The following TRAPPC9 variants were observed in gnomAD, a reference collection of about 807,000 sequenced individuals.
The protein encoded by TRAPPC9 is trafficking protein particle complex subunit 9, also known as IKK2 binding protein.
Under a neutral mutation model 124.0 loss-of-function variants are expected in TRAPPC9, and 83 were observed. The observed-to-expected ratio is 0.67, with a 90% CI of 0.56 to 0.80. TRAPPC9 has a LOEUF of 0.80. TRAPPC9 is among the 30% of genes least tolerant of loss of function. TRAPPC9 has a pLI of 0.00. For missense variants in TRAPPC9, 1,302 were observed against 1,508.3 expected, an observed-to-expected ratio of 0.86 and a Z score of 2.27; for synonymous variants, 638 against 617.5, an observed-to-expected ratio of 1.03 and a Z score of -0.49.
intron 6 of TRAPPC9, among the ~76,000 whole-genome samples, chr8:140,400,273 G>A (rs905614661): frequency 1.3e-5 from 2 of 152,210 alleles, no homozygotes; most frequent in African/African-American, 2.4e-5. Flanking sequence ...AAGCAAAAGC[G>A]ATTGGTGTGG....
At chr8:140,009,811 C>A (rs981519847) in intron 18 of TRAPPC9, among the ~76,000 whole-genome samples, 1 of 152,230 alleles carries the variant, frequency 6.6e-6, no homozygotes, top group Non-Finnish European at 1.5e-5. Context: ...TCTCGCCTAT[C>A]CTTCTCCATT....
chr8:139,885,819 T>C (rs999890372), intron 21 of TRAPPC9, 60 bp downstream of exon 21: 8 of 1,498,086 alleles, frequency 5.3e-6, no homozygotes, highest in South Asian at 3.6e-5. Flanking sequence ...ACCTTGCTCG[T>C]GCATTTGGAG....
intron 18 of TRAPPC9, among the ~76,000 whole-genome samples, chr8:140,000,181 A>G (rs999695562): frequency 1.3e-5 from 2 of 152,160 alleles, no homozygotes; most frequent in Non-Finnish European, 1.5e-5. Flanking sequence ...CTAGCCATAT[A>G]TAGAAAGCTG....
At chr8:139,873,366 C>T (rs1414107305) in intron 21 of TRAPPC9, among the ~76,000 whole-genome samples, 4 of 152,170 alleles carry the variant, frequency 2.6e-5, no homozygotes, top group Non-Finnish European at 4.4e-5. Context: ...TGAACACTCA[C>T]AAGTGCATCA....
chr8:140,122,331 T>G (rs951472256), intron 17 of TRAPPC9, among the ~76,000 whole-genome samples: 1 of 152,206 alleles, frequency 6.6e-6, no homozygotes, highest in African/African-American at 2.4e-5. Flanking sequence ...TGTCAGACTC[T>G]AAGCAGCTTG....
chr8:140,272,419 GATGGTGGTGATGGTA>G (rs2064974477), intron 15 of TRAPPC9, among the ~76,000 whole-genome samples: 1 of 148,384 alleles, frequency 6.7e-6, no homozygotes, highest in Non-Finnish European at 1.5e-5. Context: ...TGGTGATGGT[GATGGTGGTGATGGTA>G]GTGATGGTGG....
chr8:139,876,115 A>G (rs1829301363), intron 21 of TRAPPC9, among the ~76,000 whole-genome samples: 1 of 152,180 alleles, frequency 6.6e-6, no homozygotes, highest in African/African-American at 2.4e-5. Flanking sequence ...AAATAAACAA[A>G]GCTCCCCACA....
intron 19 of TRAPPC9, chr8:139,931,922 A>T: frequency 5.3e-6 from 1 of 188,332 alleles, no homozygotes; most frequent in Non-Finnish European, 1.1e-5. Flanking sequence ...TTCTGTGTTG[A>T]AAATAAAGAA....
chr8:140,259,038 A>G (rs2064335982), intron 15 of TRAPPC9, among the ~76,000 whole-genome samples: 1 of 152,316 alleles, frequency 6.6e-6, no homozygotes, highest in African/African-American at 2.4e-5. Flanking sequence ...CCGCGGAGGA[A>G]GCAGCAGAGG....
chr8:139,747,612 T>G (rs1586752659), intron 21 of TRAPPC9, among the ~76,000 whole-genome samples: 1 of 18,418 alleles, frequency 5.4e-5, no homozygotes, highest in Non-Finnish European at 9.6e-5. Context: ...TGGGGAGGTG[T>G]GCAGGGATCA....
At chr8:140,199,489 T>C (rs914274514) in intron 17 of TRAPPC9, among the ~76,000 whole-genome samples, 8 of 151,774 alleles carry the variant, frequency 5.3e-5, no homozygotes, top group Non-Finnish European at 8.8e-5. Flanking sequence ...CAAGCTGGAA[T>C]GTGAACCTAG....
intron 21 of TRAPPC9, among the ~76,000 whole-genome samples, chr8:139,806,800 C>T (rs957683652): frequency 6.6e-6 from 1 of 152,274 alleles, no homozygotes; most frequent in Non-Finnish European, 1.5e-5. Context: ...TGCACCCTTT[C>T]CTTTAGGATC....
rs538464811 is a variant in TRAPPC9 at position 139,786,005 on chromosome 8, G to A, written c.3056-53803C>T. On this transcript the variant is annotated intron_variant, in intron 21 of 22. Transcript: ENST00000438773. Reference sequence around the variant, plus strand: ...GCGGATCACCTGAGGTCAGGAGTTCGAGACCAGCCTGGCCAACATGGTGAA... The same window carrying A: ...GCGGATCACCTGAGGTCAGGAGTTCAAGACCAGCCTGGCCAACATGGTGAA... Among the ~76,000 whole-genome samples, 10 of 151,626 alleles carry A rather than the reference G, an allele frequency of 6.6e-5. No individual in the cohort carries two copies. In the South Asian group the frequency reaches 2.1e-3, roughly 32 times the overall value.
rs141920177 is a variant in TRAPPC9 at position 140,277,993 on chromosome 8, G to A, written c.2115-2172C>T. Among the ~76,000 whole-genome samples, 3 of 152,326 alleles carry A rather than the reference G, an allele frequency of 2.0e-5. No individual in the cohort carries two copies. The East Asian group carries it at 5.8e-4, about 29-fold the overall frequency. ...AGGAAGTGCAACGGGAGTCACTGGT[G>A]CCTGAAGCTTGGCACGCCTGTGTCC... On this transcript the variant is annotated intron_variant, in intron 14 of 22. Transcript: ENST00000438773.
intron 17 of TRAPPC9, among the ~76,000 whole-genome samples, chr8:140,214,379 G>A (rs572859116): frequency 5.9e-5 from 9 of 152,314 alleles, no homozygotes; most frequent in South Asian, 2.1e-4. Context: ...CAGGGGACCC[G>A]ACATCTACCT....
chr8:140,019,542 C>CTTTTTTTTT lies in TRAPPC9; in HGVS notation c.2699+4386_2699+4394dup, dbSNP rs71320340. Among the ~76,000 whole-genome samples the CTTTTTTTTT allele has an allele frequency of 1.6e-4, 7 of 43,860 alleles. 2 individuals carry two copies. The highest frequency in any genetic ancestry group is 2.9e-4 in the Non-Finnish European group (7 of 24,528). 28.8% of individuals were successfully genotyped at this position (43,860 alleles called of 152,430 possible). A position where few individuals can be genotyped will look rare whatever the true frequency, so the allele number is the denominator to read the frequency against. On this transcript the variant is annotated intron_variant, in intron 18 of 22. Coordinates refer to ENST00000438773, the MANE Select transcript of TRAPPC9 (RefSeq NM_001160372.4). ...CTGTGTCAATTTTAGTAATTTGTGT[C>CTTTTTTTTT]TTTTTTTTTTTTTTTTTTTTTTTTT...
chr8:140,124,719 G>T (rs4736140), intron 17 of TRAPPC9, among the ~76,000 whole-genome samples: 1,852 of 59,748 alleles, frequency 0.031, 27 homozygotes, highest in African/African-American at 0.11. Flanking sequence ...AGGACCCTCC[G>T]AGGGGAGGAC....
At chr8:139,993,091 A>C (rs1837745336) in intron 18 of TRAPPC9, among the ~76,000 whole-genome samples, 1 of 152,194 alleles carries the variant, frequency 6.6e-6, no homozygotes, top group South Asian at 2.1e-4. Flanking sequence ...ACAATGAAAA[A>C]CATCAAAAAC....
intron 17 of TRAPPC9, among the ~76,000 whole-genome samples, chr8:140,068,967 T>A (rs1206343688): frequency 6.6e-6 from 1 of 152,164 alleles, no homozygotes; most frequent in Non-Finnish European, 1.5e-5. Flanking sequence ...AGGAAAAGAT[T>A]TTTAAATGAT....
Sources: allele counts gnomAD v4.1 joint callset (sites outside exome capture counted in the v4.1 genomes callset), GRCh38; gene constraint gnomAD v4.1.1; transcripts MANE v1.5; gene names NCBI Gene and HGNC (gene_info 2026-07-23, HGNC 2026-07-21).